Variants in CACNA1E observed in about 807,000 individuals in gnomAD.
CACNA1E encodes voltage-dependent R-type calcium channel subunit alpha-1E.
In CACNA1E, 40 loss-of-function variants were observed where a neutral mutation model predicts 259.2. The ratio of observed to expected loss-of-function variants is 0.15; its 90% CI spans 0.12 to 0.20. The LOEUF (loss-of-function observed/expected upper bound fraction) is 0.20. Ranked by LOEUF, CACNA1E falls within the 10% of genes least tolerant of loss-of-function variation. CACNA1E has a pLI of 1.00. For synonymous variants in CACNA1E, 1,104 were observed against 1,138.5 expected, an observed-to-expected ratio of 0.97 and a Z score of 0.61; for missense variants, 1,874 against 3,040.1, an observed-to-expected ratio of 0.62 and a Z score of 9.02.
chr1:181,575,709 G>A (rs1422587952), intron 3 of CACNA1E, among the ~76,000 whole-genome samples: 1 of 152,140 alleles, frequency 6.6e-6, no homozygotes, highest in Non-Finnish European at 1.5e-5. Context: ...GGAAACAGAA[G>A]TCTAATTTCT....
At chr1:181,778,357 G>A (rs967461395) in intron 38 of CACNA1E, among the ~76,000 whole-genome samples, 2 of 152,182 alleles carry the variant, frequency 1.3e-5, no homozygotes, top group Admixed American at 6.5e-5. Context: ...GAGACTTGGA[G>A]GTACTGATGA....
chr1:181,588,221 G>C (rs932191824), intron 6 of CACNA1E, among the ~76,000 whole-genome samples: 1 of 152,204 alleles, frequency 6.6e-6, no homozygotes, highest in African/African-American at 2.4e-5. Context: ...CACCAGGCCC[G>C]CCCACCTACC....
chr1:181,741,055 T>C (rs1250811679), intron 25 of CACNA1E, among the ~76,000 whole-genome samples: 2 of 152,248 alleles, frequency 1.3e-5, no homozygotes, highest in African/African-American at 4.8e-5. Flanking sequence ...CCTTTCATTT[T>C]ACTAATTCAT....
chr1:181,403,673 T>C (rs1396331294), intron 1 of CACNA1E, among the ~76,000 whole-genome samples: 1 of 152,304 alleles, frequency 6.6e-6, no homozygotes, highest in East Asian at 1.9e-4. Flanking sequence ...GTATTTAAAA[T>C]CTTATAATTT....
chr1:181,602,049 G>A (rs546153591), intron 6 of CACNA1E, among the ~76,000 whole-genome samples: 3 of 152,216 alleles, frequency 2.0e-5, no homozygotes, highest in African/African-American at 4.8e-5. Flanking sequence ...GTCTTTACTC[G>A]GTGAGTTCTT....
chr1:181,457,166 T>C (rs915809879), intron 2 of CACNA1E, among the ~76,000 whole-genome samples: 1 of 152,248 alleles, frequency 6.6e-6, no homozygotes, highest in East Asian at 1.9e-4. Context: ...CTCTGCCTGA[T>C]GGATACCTTT....
chr1:181,488,318 G>A (rs780952817), intron 1 of CACNA1E, among the ~76,000 whole-genome samples: 3 of 152,222 alleles, frequency 2.0e-5, no homozygotes, highest in Non-Finnish European at 2.9e-5. Context: ...TAGGGAAGAT[G>A]ATGGCAGCTA....
chr1:181,423,079 A>G (rs555757533), intron 2 of CACNA1E, among the ~76,000 whole-genome samples: 2 of 152,308 alleles, frequency 1.3e-5, no homozygotes, highest in Non-Finnish European at 2.9e-5. Context: ...TCATATCCAA[A>G]TTACGTAAAA....
chr1:181,717,375 A>C, intron 11 of CACNA1E, 73 bp downstream of exon 11: 1 of 1,211,958 alleles, frequency 8.3e-7, no homozygotes. Context: ...GTGTGAACGC[A>C]AGACAGCAAA....
chr1:181,503,585 C>A (rs1665450636), intron 1 of CACNA1E, among the ~76,000 whole-genome samples: 1 of 152,234 alleles, frequency 6.6e-6, no homozygotes, highest in African/African-American at 2.4e-5. Flanking sequence ...AGCCAGCCCA[C>A]TCCTGAGGGC....
chr1:181,783,465 A>G (rs926665354), intron 39 of CACNA1E, among the ~76,000 whole-genome samples: 1 of 151,922 alleles, frequency 6.6e-6, no homozygotes, highest in Non-Finnish European at 1.5e-5. Flanking sequence ...TGGTGGAGAA[A>G]AAACAAACAA....
intron 3 of CACNA1E, among the ~76,000 whole-genome samples, chr1:181,574,881 C>T (rs1210232990): frequency 1.3e-5 from 2 of 152,066 alleles, no homozygotes; most frequent in Non-Finnish European, 2.9e-5. Flanking sequence ...AAAAATCAGC[C>T]AGGTTTGGTG....
chr1:181,783,911 C>T, intron 40 of CACNA1E, 127 bp downstream of exon 40: 1 of 599,098 alleles, frequency 1.7e-6, no homozygotes, highest in Non-Finnish European at 3.1e-6. Flanking sequence ...GTCATCTGAA[C>T]ATCAAGTATC....
intron 6 of CACNA1E, 138 bp downstream of exon 6, chr1:181,580,914 A>C: frequency 1.4e-6 from 1 of 706,302 alleles, no homozygotes; most frequent in Non-Finnish European, 2.4e-6. Flanking sequence ...TGAAGACTCA[A>C]CTGGGATAAG....
chr1:181,429,682 C>T lies in CACNA1E; in HGVS notation c.434+16102C>T, dbSNP rs549289406. On this transcript the variant is annotated intron_variant, in intron 2 of 11. Coordinates refer to the CACNA1E transcript ENST00000524607. ...ACTCATGTTTGTTATTAGGCTCTGT[C>T]CTGCTTCCCCCAGGCTGTGGCCGGG... Among the ~76,000 whole-genome samples the T allele has an allele frequency of 3.9e-5, 6 of 152,294 alleles. No individual in the cohort carries two copies. The East Asian group carries it at 1.2e-3, about 29-fold the overall frequency.
chr1:181,768,972 C>T (rs904938465), intron 35 of CACNA1E, among the ~76,000 whole-genome samples: 14 of 152,052 alleles, frequency 9.2e-5, no homozygotes, highest in African/African-American at 3.1e-4. Flanking sequence ...CTTTCAAAGG[C>T]GCCTTGGAAA....
intron 3 of CACNA1E, among the ~76,000 whole-genome samples, chr1:181,514,534 C>T (rs542613439): frequency 6.6e-6 from 1 of 152,298 alleles, no homozygotes; most frequent in South Asian, 2.1e-4. Flanking sequence ...CCTGGTGTCC[C>T]CCTTTGTCTT....
At chr1:181,420,701 A>G (rs1658664668) in intron 2 of CACNA1E, among the ~76,000 whole-genome samples, 1 of 152,246 alleles carries the variant, frequency 6.6e-6, no homozygotes, top group African/African-American at 2.4e-5. Context: ...TGGAAATAAT[A>G]GGTACCATGA....
rs1394871977 is a variant in CACNA1E, at chr1:181,798,266, C to T, written c.6400-26C>T. ...AGGGATCATGCCAAGCCCAATCTAA[C>T]ATGCCATGTCTCTCCTGCTATACAG... On this transcript the variant is annotated intron_variant, in intron 47 of 47. Coordinates refer to ENST00000367573, the MANE Select transcript of CACNA1E (RefSeq NM_001205293.3). This position sits in a 1 kb window ranked among gnomAD's most constrained non-coding sequence, Gnocchi z 4.2. The T allele has an allele frequency of 1.9e-6, 3 of 1,548,078 alleles. No homozygotes were observed. The highest frequency in any genetic ancestry group is 1.2e-5 in the South Asian group (1 of 85,404).
Sources: allele counts gnomAD v4.1 joint callset (sites outside exome capture counted in the v4.1 genomes callset), GRCh38; gene constraint gnomAD v4.1.1; non-coding constraint Gnocchi (gnomAD v3.1); transcripts MANE v1.5; gene names NCBI Gene and HGNC (gene_info 2026-07-23, HGNC 2026-07-21).